The following ADGB variants were observed in gnomAD, a reference collection of about 807,000 sequenced individuals.
ADGB encodes the protein androglobin.
ADGB carries 172 observed loss-of-function variants against 210.5 expected under a neutral mutation model. The ratio of observed to expected loss-of-function variants is 0.82; its 90% CI spans 0.72 to 0.93. The LOEUF is 0.93. Among genes scored for constraint, ADGB ranks in the 40% least tolerant of loss-of-function variants. ADGB has a pLI of 0.00. For synonymous variants in ADGB, 658 were observed against 662.7 expected, an observed-to-expected ratio of 0.99 and a Z score of 0.11; for missense variants, 2,025 against 1,964.8, an observed-to-expected ratio of 1.03 and a Z score of -0.58.
chr6:146,671,391 C>T (rs753032133), intron 7 of ADGB, among the ~76,000 whole-genome samples: 6 of 152,102 alleles, frequency 3.9e-5, no homozygotes, highest in Admixed American at 6.6e-5. Context: ...TAGTATCCAA[C>T]GGACACTGTG....
intron 29 of ADGB, among the ~76,000 whole-genome samples, chr6:146,780,708 C>A (rs1348000941): frequency 6.6e-6 from 1 of 152,068 alleles, no homozygotes. Context: ...CAAAAACTGA[C>A]AGAATTGAAA....
chr6:146,667,184 T>C (rs181746166), intron 7 of ADGB, among the ~76,000 whole-genome samples: 1 of 152,134 alleles, frequency 6.6e-6, no homozygotes, highest in Admixed American at 6.6e-5. Flanking sequence ...TTTATTACCA[T>C]GTGGATTTCC....
intron 5 of ADGB, among the ~76,000 whole-genome samples, chr6:146,662,640 C>T (rs1334780183): frequency 1.3e-5 from 2 of 151,860 alleles, no homozygotes; most frequent in Non-Finnish European, 2.9e-5. Flanking sequence ...TGTATTTTCC[C>T]ATTGAAATTG....
At chr6:146,654,943 T>C (rs1775758665) in intron 4 of ADGB, among the ~76,000 whole-genome samples, 1 of 152,148 alleles carries the variant, frequency 6.6e-6, no homozygotes, top group Non-Finnish European at 1.5e-5. Context: ...TTTGTACCCC[T>C]TACCAACATC....
intron 31 of ADGB, among the ~76,000 whole-genome samples, chr6:146,785,025 A>G (rs1216331618): frequency 1.3e-5 from 2 of 152,166 alleles, no homozygotes; most frequent in Non-Finnish European, 2.9e-5. Context: ...GGTGGTACCA[A>G]TTATAGGCCC....
chr6:146,654,143 AGTT>A lies in ADGB; in HGVS notation c.342_344del (p.Val115del). On this transcript the variant is annotated inframe_deletion, in exon 4 of 36. Coordinates refer to ENST00000397944, the MANE Select transcript of ADGB (RefSeq NM_024694.4). Reference sequence around the variant, plus strand: ...ATATATATTTTTTTCAGACTCCAGTAGTTGTGAAAAATGAAATCACGTTTGACT... The same window carrying A: ...ATATATATTTTTTTCAGACTCCAGTAGTGAAAAATGAAATCACGTTTGACT... 6.5e-7 allele frequency: 1 copy of A among 1,532,574 alleles called. No homozygotes were observed. The highest frequency in any genetic ancestry group is 8.8e-7 in the Non-Finnish European group (1 of 1,131,800). 94.9% of individuals were successfully genotyped at this position (1,532,574 alleles called of 1,614,324 possible).
chr6:146,644,298 T>C (rs1429760607), intron 2 of ADGB, among the ~76,000 whole-genome samples: 2 of 151,910 alleles, frequency 1.3e-5, no homozygotes, highest in African/African-American at 4.8e-5. Flanking sequence ...TTAAAATAAA[T>C]AAATGAAAAT....
intron 7 of ADGB, among the ~76,000 whole-genome samples, chr6:146,671,128 C>G (rs1342710389): frequency 6.6e-6 from 1 of 152,076 alleles, no homozygotes; most frequent in East Asian, 1.9e-4. Flanking sequence ...GATAGATAGG[C>G]CTTTTATGCC....
chr6:146,718,208 G>A (rs1225994761), intron 16 of ADGB, among the ~76,000 whole-genome samples: 1 of 152,078 alleles, frequency 6.6e-6, no homozygotes, highest in African/African-American at 2.4e-5. Context: ...TTAGCCAGGT[G>A]TGGTGGCATG....
At chr6:146,803,281 A>C (rs912969097) in intron 35 of ADGB, 11 of 1,605,500 alleles carry the variant, frequency 6.9e-6, no homozygotes, top group Non-Finnish European at 9.4e-6. Flanking sequence ...TCAGAAAAAA[A>C]CCCACTATAT....
At chr6:146,720,907 G>A (rs1776802996) in intron 16 of ADGB, among the ~76,000 whole-genome samples, 1 of 152,140 alleles carries the variant, frequency 6.6e-6, no homozygotes. Flanking sequence ...GAAACACAGA[G>A]CCAAACCACG....
At chr6:146,743,709 A>G (rs12201924) in intron 25 of ADGB, among the ~76,000 whole-genome samples, 1 of 151,950 alleles carries the variant, frequency 6.6e-6, no homozygotes, top group Non-Finnish European at 1.5e-5. Context: ...AGGTCAGGAG[A>G]TCGAGACCAG....
intron 30 of ADGB, 115 bp from the exon 31 acceptor site, chr6:146,784,503 G>A (rs1461493951): frequency 2.3e-6 from 2 of 856,700 alleles, no homozygotes; most frequent in African/African-American, 3.5e-5. Context: ...GTGAATATAT[G>A]TTTTCATTTA....
intron 13 of ADGB, 148 bp downstream of exon 13, chr6:146,701,218 T>C: frequency 1.1e-6 from 1 of 913,764 alleles, no homozygotes; most frequent in Non-Finnish European, 1.6e-6. Context: ...CTCTTATGTA[T>C]CTATCACCTA....
intron 19 of ADGB, among the ~76,000 whole-genome samples, chr6:146,727,792 G>A (rs1163076298): frequency 6.6e-6 from 1 of 152,158 alleles, no homozygotes; most frequent in African/African-American, 2.4e-5. Context: ...GAAACTTTCT[G>A]TAGGCTTTGT....
intron 35 of ADGB, among the ~76,000 whole-genome samples, chr6:146,809,274 C>T (rs1238818443): frequency 6.6e-6 from 1 of 152,206 alleles, no homozygotes; most frequent in Non-Finnish European, 1.5e-5. Flanking sequence ...GGCGCAATCT[C>T]GGCTCAATGC....
chr6:146,784,845 G>A lies in ADGB; in HGVS notation c.4212+51G>A, dbSNP rs1777850988. ...TCTTTTACTTTTCCTCCTTAGGCAT[G>A]CTCTGAAAAAAATAGTCATGCTGGT... On this transcript the variant is annotated intron_variant, in intron 31 of 35. Transcript: ENST00000397944. 28 of 1,487,688 alleles carry A rather than the reference G, an allele frequency of 1.9e-5. No homozygotes were observed. In the South Asian group the frequency reaches 3.7e-4, roughly 20 times the overall value. The allele number at this position is 1,487,688 out of a possible 1,614,324, so 92.2% of individuals were successfully genotyped here.
intron 13 of ADGB, among the ~76,000 whole-genome samples, chr6:146,711,171 C>G (rs930498919): frequency 6.6e-6 from 1 of 152,174 alleles, no homozygotes; most frequent in African/African-American, 2.4e-5. Flanking sequence ...AGGATTATTA[C>G]TGCTGAAGCA....
At chr6:146,739,732 A>C (rs1263421536) in intron 23 of ADGB, among the ~76,000 whole-genome samples, 2 of 152,162 alleles carry the variant, frequency 1.3e-5, no homozygotes, top group Admixed American at 1.3e-4. Context: ...CTTCCATCCC[A>C]GCTAATACCT....
Sources: allele counts gnomAD v4.1 joint callset (sites outside exome capture counted in the v4.1 genomes callset), GRCh38; gene constraint gnomAD v4.1.1; transcripts MANE v1.5; gene names NCBI Gene and HGNC (gene_info 2026-07-23, HGNC 2026-07-21).